The following MAN1C1 variants were observed in gnomAD, a reference collection of about 807,000 sequenced individuals.
MAN1C1 encodes mannosidase alpha class 1C member 1.
A neutral mutation model predicts 71.5 loss-of-function variants in MAN1C1; 49 were observed. That is an observed-to-expected ratio of 0.69 (90% CI 0.54 to 0.87). MAN1C1 has a LOEUF of 0.87. MAN1C1 is among the 40% of genes least tolerant of loss of function. The probability of loss-of-function intolerance (pLI) is 0.00; values close to 1 mark genes in which losing one functional copy is unlikely to be tolerated. For synonymous variants in MAN1C1, 352 were observed against 343.7 expected, an observed-to-expected ratio of 1.02 and a Z score of -0.27; for missense variants, 743 against 835.0, an observed-to-expected ratio of 0.89 and a Z score of 1.36.
At position 25,782,535 on chromosome 1, in the gene MAN1C1, T is replaced by G. The variant is rs779763612; in HGVS notation, c.1651-50T>G. 2.6e-5 allele frequency: 35 copies of G among 1,332,830 alleles called. No individual in the cohort carries two copies. The African/African-American group carries it at 4.3e-4, about 16-fold the overall frequency. 82.6% of individuals were successfully genotyped at this position (1,332,830 alleles called of 1,614,324 possible). A position where few individuals can be genotyped will look rare whatever the true frequency, so the allele number is the denominator to read the frequency against. On this transcript the variant is annotated intron_variant, in intron 10 of 11. Transcript: ENST00000374332. This position sits in a 1 kb window ranked among gnomAD's most constrained non-coding sequence, Gnocchi z 4.4. Reference sequence around the variant, plus strand: ...GGCATGCACAAGTCTTGAGGGGCCTTTCCTGTCCCGTGTTAAGGCTGTTTT... The same window carrying G: ...GGCATGCACAAGTCTTGAGGGGCCTGTCCTGTCCCGTGTTAAGGCTGTTTT...
intron 1 of MAN1C1, among the ~76,000 whole-genome samples, chr1:25,668,157 A>G (rs1315694738): frequency 6.6e-6 from 1 of 152,196 alleles, no homozygotes; most frequent in African/African-American, 2.4e-5. Context: ...TGCATTTCTC[A>G]GGCTATAAAT....
intron 2 of MAN1C1, among the ~76,000 whole-genome samples, chr1:25,704,628 T>G (rs1343546258): frequency 6.6e-6 from 1 of 152,196 alleles, no homozygotes. Context: ...GCTGACAAAG[T>G]TATGACACCA....
chr1:25,682,041 G>A (rs576879993), intron 1 of MAN1C1, among the ~76,000 whole-genome samples: 1 of 152,136 alleles, frequency 6.6e-6, no homozygotes, highest in African/African-American at 2.4e-5. Context: ...CAATATCTTG[G>A]TGTACAAAAA....
intron 1 of MAN1C1, among the ~76,000 whole-genome samples, chr1:25,623,331 T>G (rs915951522): frequency 2.7e-4 from 41 of 152,178 alleles, no homozygotes; most frequent in African/African-American, 8.7e-4. Flanking sequence ...AATTAGGCAT[T>G]CCAGGAGCAA....
At chr1:25,747,843 T>C (rs756557972) in intron 3 of MAN1C1, among the ~76,000 whole-genome samples, 1 of 152,244 alleles carries the variant, frequency 6.6e-6, no homozygotes, top group Admixed American at 6.5e-5. Flanking sequence ...GCCTAACTCA[T>C]AGGCTTATCA....
At chr1:25,752,885 T>C (rs1265109069) in intron 4 of MAN1C1, among the ~76,000 whole-genome samples, 1 of 152,212 alleles carries the variant, frequency 6.6e-6, no homozygotes, top group African/African-American at 2.4e-5. Context: ...TGTCCACTGC[T>C]CTTACGCAGG....
chr1:25,633,811 T>C (rs2045419857), intron 1 of MAN1C1, among the ~76,000 whole-genome samples: 1 of 152,198 alleles, frequency 6.6e-6, no homozygotes, highest in African/African-American at 2.4e-5. Context: ...GTTCCATTTA[T>C]CATGTTAATT....
Position 25,643,231 on chromosome 1 carries a change from T to A in MAN1C1, c.540+24894T>A, listed in dbSNP as rs575673144. Among the ~76,000 whole-genome samples the A allele has an allele frequency of 7.5e-5, 8 of 107,188 alleles. No individual in the cohort carries two copies. In the South Asian group the frequency reaches 1.9e-3, roughly 25 times the overall value. 70.3% of individuals were successfully genotyped at this position (107,188 alleles called of 152,430 possible). A position where few individuals can be genotyped will look rare whatever the true frequency, so the allele number is the denominator to read the frequency against. On this transcript the variant is annotated intron_variant, in intron 1 of 11. Transcript: ENST00000374332. The stretch of plus-strand genomic sequence containing the variant: ...TGCAGTCCTTAGTCCTACCTCCCTT[T>A]TAATTAATTAATTAATTAATTAATT...
chr1:25,653,148 G>T (rs979202158), intron 1 of MAN1C1, among the ~76,000 whole-genome samples: 1 of 151,330 alleles, frequency 6.6e-6, no homozygotes, highest in African/African-American at 2.4e-5. Context: ...CACAATCTAA[G>T]CTCGCTGCGG....
intron 1 of MAN1C1, among the ~76,000 whole-genome samples, chr1:25,665,018 C>T (rs1177070777): frequency 6.6e-6 from 1 of 152,236 alleles, no homozygotes; most frequent in African/African-American, 2.4e-5. Flanking sequence ...GTTATGGCCA[C>T]TGACGCTAGC....
chr1:25,736,424 G>A (rs1218121019), intron 2 of MAN1C1, among the ~76,000 whole-genome samples: 1 of 152,186 alleles, frequency 6.6e-6, no homozygotes, highest in Non-Finnish European at 1.5e-5. Flanking sequence ...TGTAGTGAGT[G>A]CCTGCTGAGT....
intron 1 of MAN1C1, among the ~76,000 whole-genome samples, chr1:25,636,314 C>T (rs1317980434): frequency 6.6e-6 from 1 of 152,148 alleles, no homozygotes; most frequent in East Asian, 1.9e-4. Context: ...GAAGGTACTG[C>T]AGGAGACCAG....
chr1:25,767,353 CCACTACCCTCACATACGT>C (rs2047445949), intron 7 of MAN1C1, among the ~76,000 whole-genome samples: 1 of 125,682 alleles, frequency 8.0e-6, no homozygotes. Context: ...GACCCACACA[CCACTACCCTCACATACGT>C]CCACACTCCA....
chr1:25,639,857 C>G (rs1187300990), intron 1 of MAN1C1, among the ~76,000 whole-genome samples: 1 of 152,128 alleles, frequency 6.6e-6, no homozygotes, highest in African/African-American at 2.4e-5. Flanking sequence ...GATGTCATCT[C>G]AAGTTATTTG....
intron 2 of MAN1C1, among the ~76,000 whole-genome samples, chr1:25,732,849 C>T (rs1249353709): frequency 6.6e-6 from 1 of 152,122 alleles, no homozygotes; most frequent in African/African-American, 2.4e-5. Flanking sequence ...CTTTGATTTC[C>T]TTTCTTTTCT....
At chr1:25,724,554 C>T (rs937935278) in intron 2 of MAN1C1, among the ~76,000 whole-genome samples, 4 of 152,030 alleles carry the variant, frequency 2.6e-5, no homozygotes, top group Admixed American at 2.6e-4. Context: ...CACATTTGCT[C>T]TCATTGGCTG....
intron 2 of MAN1C1, among the ~76,000 whole-genome samples, chr1:25,721,299 A>G (rs1461538112): frequency 6.6e-6 from 1 of 152,160 alleles, no homozygotes; most frequent in Non-Finnish European, 1.5e-5. Flanking sequence ...TTTTGGGATC[A>G]GCTTGTCAAC....
At chr1:25,684,121 G>A (rs1285507367) in intron 1 of MAN1C1, among the ~76,000 whole-genome samples, 1 of 151,336 alleles carries the variant, frequency 6.6e-6, no homozygotes, top group South Asian at 2.1e-4. Flanking sequence ...GTGGCCCCCC[G>A]CTTAGACCTC....
At chr1:25,751,770 T>C (rs2047219768) in intron 4 of MAN1C1, among the ~76,000 whole-genome samples, 1 of 152,238 alleles carries the variant, frequency 6.6e-6, no homozygotes, top group African/African-American at 2.4e-5. Context: ...TTAGAAGCAG[T>C]AACTGGCTCC....
Sources: allele counts gnomAD v4.1 joint callset (sites outside exome capture counted in the v4.1 genomes callset), GRCh38; gene constraint gnomAD v4.1.1; non-coding constraint Gnocchi (gnomAD v3.1); transcripts MANE v1.5; gene names NCBI Gene and HGNC (gene_info 2026-07-23, HGNC 2026-07-21).